The following RANBP2 variants were observed in gnomAD, a reference collection of about 807,000 sequenced individuals.
The protein encoded by RANBP2 is E3 SUMO-protein ligase RanBP2.
A neutral mutation model predicts 303.6 loss-of-function variants in RANBP2; 57 were observed. The observed-to-expected ratio is 0.19, with a 90% CI of 0.15 to 0.23. The LOEUF (loss-of-function observed/expected upper bound fraction) is 0.23. Among genes scored for constraint, RANBP2 ranks in the 10% least tolerant of loss-of-function variants. The probability of loss-of-function intolerance (pLI) is 1.00; values close to 1 mark genes in which losing one functional copy is unlikely to be tolerated. For missense variants in RANBP2, 3,138 were observed against 3,780.8 expected (o/e 0.83, Z 4.46); for synonymous variants, 1,167 against 1,301.5 (o/e 0.90, Z 2.23).
At chr2:109,282,510 C>G in the RANBP2 span, among the ~76,000 whole-genome samples, 106 of 152,102 alleles carry the variant, frequency 7.0e-4, no homozygotes, top group African/African-American at 2.4e-3. Context: ...GCCTGCCCTG[C>G]GGTGGGAGGA....
chr2:109,281,645 G>A, the RANBP2 span, among the ~76,000 whole-genome samples: 1 of 152,166 alleles, frequency 6.6e-6, no homozygotes, highest in South Asian at 2.1e-4. Flanking sequence ...GAGTATAAGT[G>A]TTTAGAGTGA....
At chr2:108,973,481 C>T in the RANBP2 span, among the ~76,000 whole-genome samples, 1 of 152,144 alleles carries the variant, frequency 6.6e-6, no homozygotes, top group Non-Finnish European at 1.5e-5. Context: ...CCAGTGCTTT[C>T]CAGTACCTGA....
chr2:109,035,667 A>G, the RANBP2 span, among the ~76,000 whole-genome samples: 2,387 of 152,298 alleles, frequency 0.016, 69 homozygotes, highest in African/African-American at 0.055. Context: ...GCAAAAGTCT[A>G]GTGGGCCTAA....
chr2:109,109,300 C>T, the RANBP2 span, among the ~76,000 whole-genome samples: 2 of 152,202 alleles, frequency 1.3e-5, no homozygotes, highest in Non-Finnish European at 2.9e-5. Flanking sequence ...GAAACTCTTG[C>T]CCCCAGGCAC....
the RANBP2 span, among the ~76,000 whole-genome samples, chr2:109,536,331 C>G: frequency 6.6e-5 from 10 of 152,342 alleles, no homozygotes; most frequent in African/African-American, 1.9e-4. Flanking sequence ...GGGAACCCAC[C>G]TCTTGCATCA....
At chr2:108,822,848 A>G in the RANBP2 span, among the ~76,000 whole-genome samples, 2 of 152,038 alleles carry the variant, frequency 1.3e-5, no homozygotes, top group African/African-American at 4.8e-5. Context: ...CAAAATCAAA[A>G]TCGACAGCCT....
At chr2:109,295,025 G>A in the RANBP2 span, among the ~76,000 whole-genome samples, 1,215 of 152,352 alleles carry the variant, frequency 8.0e-3, 11 homozygotes, top group East Asian at 0.037. Context: ...ATTAGCCATC[G>A]CTATGAATTC....
chr2:109,016,879 A>G, the RANBP2 span, among the ~76,000 whole-genome samples: 2 of 152,228 alleles, frequency 1.3e-5, no homozygotes, highest in South Asian at 4.1e-4. Context: ...ATGAACTGCT[A>G]TGGAGGGACG....
intron 24 of RANBP2, among the ~76,000 whole-genome samples, chr2:108,776,926 G>A (rs1050926133): frequency 1.3e-5 from 2 of 152,054 alleles, no homozygotes; most frequent in African/African-American, 4.8e-5. Context: ...GTGTAGTATT[G>A]TAGTATTCTT....
At chr2:108,806,208 A>G in the RANBP2 span, among the ~76,000 whole-genome samples, 2 of 152,168 alleles carry the variant, frequency 1.3e-5, no homozygotes, top group Admixed American at 1.3e-4. Flanking sequence ...TCTGTTTGGA[A>G]TCCCACTTTA....
intron 13 of RANBP2, 120 bp from the exon 14 acceptor site, chr2:108,753,306 A>G: frequency 6.2e-7 from 1 of 1,604,266 alleles, no homozygotes; most frequent in Non-Finnish European, 8.5e-7. Context: ...CACATAAGAT[A>G]TGACAGAGAA....
chr2:109,488,160 C>T, the RANBP2 span, among the ~76,000 whole-genome samples: 1 of 152,316 alleles, frequency 6.6e-6, no homozygotes, highest in East Asian at 1.9e-4. Context: ...GTCCCCGCAT[C>T]CTGGCCTGCT....
the RANBP2 span, among the ~76,000 whole-genome samples, chr2:109,424,723 A>T: frequency 1.3e-5 from 2 of 152,142 alleles, no homozygotes; most frequent in African/African-American, 2.4e-5. Flanking sequence ...TCGATAAGTG[A>T]TGTGTATGTT....
chr2:109,399,219 T>C, the RANBP2 span, among the ~76,000 whole-genome samples: 1 of 152,132 alleles, frequency 6.6e-6, no homozygotes, highest in Non-Finnish European at 1.5e-5. Context: ...CCCACCCGCC[T>C]CATGACAAGC....
the RANBP2 span, among the ~76,000 whole-genome samples, chr2:109,244,044 A>C: frequency 6.6e-6 from 1 of 152,292 alleles, no homozygotes; most frequent in East Asian, 1.9e-4. Context: ...TGAGATGGGT[A>C]ATTGTAGCGA....
the RANBP2 span, among the ~76,000 whole-genome samples, chr2:109,039,822 G>A: frequency 1.3e-5 from 2 of 151,444 alleles, no homozygotes; most frequent in Admixed American, 6.6e-5. Flanking sequence ...TATTTGTTAT[G>A]TGTATCTTTT....
chr2:109,419,632 C>T, the RANBP2 span: 1 of 1,579,606 alleles, frequency 6.3e-7, no homozygotes, highest in Non-Finnish European at 8.6e-7. Context: ...GGTCCAGCTG[C>T]CCCTCAACGT....
the RANBP2 span, among the ~76,000 whole-genome samples, chr2:109,283,181 G>T: frequency 2.6e-5 from 4 of 152,190 alleles, no homozygotes; most frequent in Non-Finnish European, 5.9e-5. Flanking sequence ...TCCCAGAGGT[G>T]CCTGGAGCAT....
In RANBP2 at chr2:108,749,082, T is replaced by C. The variant is rs778312205; in HGVS notation, c.1226T>C (p.Ile409Thr). 7 of 1,611,878 alleles carry C rather than the reference T, an allele frequency of 4.3e-6. No individual in the cohort carries two copies. The highest frequency in any genetic ancestry group is 8.5e-7 in the Non-Finnish European group (1 of 1,179,858). ...SFLGSDDIGN[I>T]DVREPELEDL... ...CTTGGTAGCGATGATATTGGAAACA[T>C]TGATGTACGAGAACCAGAGCTTGAA... The change falls in exon 9 of 29, where the codon ATT becomes ACT. Residue 409 changes from isoleucine to threonine, a missense_variant. Ile to Thr is a moderately conservative substitution (Grantham distance 89). This residue lies in a region of RANBP2 where 95 missense variants were observed against 86.4 expected (regional missense o/e 1.10). Transcript: ENST00000283195.
Sources: allele counts gnomAD v4.1 joint callset (sites outside exome capture counted in the v4.1 genomes callset), GRCh38; gene constraint gnomAD v4.1.1; regional missense constraint gnomAD v4.1.1; transcripts MANE v1.5; gene names NCBI Gene and HGNC (gene_info 2026-07-23, HGNC 2026-07-21).